The following LINGO1 variants were observed in gnomAD, a reference collection of about 807,000 sequenced individuals.
LINGO1 encodes the protein leucine-rich repeat and immunoglobulin-like domain-containing nogo receptor-interacting protein 1.
A neutral mutation model predicts 37.3 loss-of-function variants in LINGO1; 11 were observed. The observed-to-expected ratio is 0.29, with a 90% CI of 0.19 to 0.49. LINGO1 has a LOEUF of 0.49. LINGO1 is among the 20% of genes least tolerant of loss of function. LINGO1 has a pLI of 0.99. For synonymous variants in LINGO1, 387 were observed against 403.0 expected (o/e 0.96, Z 0.48); for missense variants, 585 against 878.2 (o/e 0.67, Z 4.22).
intron 3 of LINGO1, among the ~76,000 whole-genome samples, chr15:77,674,054 A>T (rs1201123636): frequency 6.6e-6 from 1 of 151,506 alleles, no homozygotes. Context: ...CCACCACTGA[A>T]CCACTCCTCT....
chr15:77,677,650 C>T lies in LINGO1; in HGVS notation c.-98-476G>A, dbSNP rs999503778. On this transcript the variant is annotated intron_variant, in intron 2 of 3. Coordinates refer to the LINGO1 transcript ENST00000559893. ...AGATCCCCAGCAAGGTCCCCAAGGACCCCATCAGCACCCCCAGCTCTCCCG... is the reference window on the plus strand; with the variant it reads ...AGATCCCCAGCAAGGTCCCCAAGGATCCCATCAGCACCCCCAGCTCTCCCG... Among the ~76,000 whole-genome samples the T allele has an allele frequency of 3.9e-5, 6 of 152,116 alleles. No individual in the cohort carries two copies. In the East Asian group the frequency reaches 5.8e-4, roughly 15 times the overall value.
chr15:77,699,455 AACC>A (rs2075742364), upstream of LINGO1, among the ~76,000 whole-genome samples: 1 of 54,308 alleles, frequency 1.8e-5, no homozygotes. Flanking sequence ...AACACATACT[AACC>A]ACCACCTGCA....
At chr15:77,804,502 G>A (rs375356042) in intron 1 of LINGO1, among the ~76,000 whole-genome samples, 2 of 152,210 alleles carry the variant, frequency 1.3e-5, no homozygotes, top group African/African-American at 2.4e-5. Flanking sequence ...GCACAGGCTG[G>A]ATAGGCAGAG....
At chr15:77,723,394 A>T (rs998309927) in intron 2 of LINGO1, among the ~76,000 whole-genome samples, 25 of 152,318 alleles carry the variant, frequency 1.6e-4, no homozygotes, top group Admixed American at 7.2e-4. Context: ...AGGAAGAGTC[A>T]TTTCTGTGGC....
intron 1 of LINGO1, among the ~76,000 whole-genome samples, chr15:77,747,652 G>T (rs1380270337): frequency 6.6e-6 from 1 of 152,196 alleles, no homozygotes; most frequent in Non-Finnish European, 1.5e-5. Context: ...GTGAGCCCTG[G>T]GGGAGGGGAG....
At chr15:77,681,786 G>C (rs1010615206) in intron 2 of LINGO1, among the ~76,000 whole-genome samples, 1 of 152,094 alleles carries the variant, frequency 6.6e-6, no homozygotes, top group African/African-American at 2.4e-5. Context: ...GGGGAGTGGA[G>C]GAGGGAAAGT....
intron 1 of LINGO1, among the ~76,000 whole-genome samples, chr15:77,807,014 T>C (rs538364509): frequency 1.3e-5 from 2 of 152,336 alleles, no homozygotes; most frequent in East Asian, 3.9e-4. Context: ...CAGGCCCATC[T>C]GGGCAGCCTC....
chr15:77,801,180 A>C (rs1315897078), intron 1 of LINGO1, among the ~76,000 whole-genome samples: 2 of 152,230 alleles, frequency 1.3e-5, no homozygotes, highest in African/African-American at 4.8e-5. Context: ...CCCATGAAAT[A>C]ATAGCACAAG....
upstream of LINGO1, among the ~76,000 whole-genome samples, chr15:77,697,050 G>C (rs1386623390): frequency 6.6e-6 from 1 of 152,268 alleles, no homozygotes; most frequent in Non-Finnish European, 1.5e-5. Context: ...GGCCAGGTCA[G>C]AGGAGCAGAG....
At chr15:77,724,484 G>A (rs776460807) in intron 2 of LINGO1, among the ~76,000 whole-genome samples, 17 of 152,190 alleles carry the variant, frequency 1.1e-4, no homozygotes, top group Non-Finnish European at 2.4e-4. Context: ...AGCTGCGCCC[G>A]TCTGTGTCCC....
chr15:77,642,742 C>A (rs2074537270), intron 3 of LINGO1, among the ~76,000 whole-genome samples: 3 of 152,190 alleles, frequency 2.0e-5, no homozygotes, highest in South Asian at 2.1e-4. Context: ...GTCCGGAAAT[C>A]CCCCAGCAGG....
chr15:77,785,056 C>G (rs2141433578), intron 1 of LINGO1: 1 of 152,362 alleles, frequency 6.6e-6, no homozygotes, highest in South Asian at 2.1e-4. Context: ...ACGGCCAGGG[C>G]AGGCCAGTCA....
At chr15:77,759,141 C>T (rs747098642) in intron 1 of LINGO1, among the ~76,000 whole-genome samples, 13 of 152,212 alleles carry the variant, frequency 8.5e-5, no homozygotes, top group Non-Finnish European at 1.3e-4. Context: ...ATGTGACCTA[C>T]GCAGATTAAA....
intron 3 of LINGO1, among the ~76,000 whole-genome samples, chr15:77,655,735 G>A (rs2074851293): frequency 6.6e-6 from 1 of 152,190 alleles, no homozygotes; most frequent in Admixed American, 6.5e-5. Context: ...TTCACACCCA[G>A]GTCTGTCTAC....
intron 3 of LINGO1, among the ~76,000 whole-genome samples, chr15:77,657,795 C>G (rs892657660): frequency 6.6e-6 from 1 of 152,086 alleles, no homozygotes; most frequent in Non-Finnish European, 1.5e-5. Context: ...GAGGCTCCGC[C>G]GCGGGGGCTT....
chr15:77,817,894 G>A (rs952253286), intron 1 of LINGO1, among the ~76,000 whole-genome samples: 11 of 152,212 alleles, frequency 7.2e-5, no homozygotes, highest in African/African-American at 2.7e-4. Flanking sequence ...AGAGATTCCA[G>A]AAGGATAATG....
chr15:77,798,623 G>A (rs2076892544), intron 1 of LINGO1, among the ~76,000 whole-genome samples: 1 of 152,212 alleles, frequency 6.6e-6, no homozygotes, highest in African/African-American at 2.4e-5. Flanking sequence ...GCACTCTCCT[G>A]GACACGAGGT....
chr15:77,682,751 A>G (rs926273713), intron 2 of LINGO1, among the ~76,000 whole-genome samples: 28 of 151,652 alleles, frequency 1.8e-4, no homozygotes, highest in Middle Eastern at 3.4e-3. Context: ...ACCCCCATCC[A>G]CACAGTGGCA....
chr15:77,749,080 G>C (rs1044893212), intron 1 of LINGO1, among the ~76,000 whole-genome samples: 1 of 151,612 alleles, frequency 6.6e-6, no homozygotes, highest in African/African-American at 2.4e-5. Flanking sequence ...GCTAATTTTT[G>C]TATTTTTAGT....
Sources: gnomAD v4.1 joint callset for allele counts (sites outside exome capture counted in the v4.1 genomes callset) on GRCh38, gnomAD v4.1.1 for gene constraint, MANE v1.5 for transcripts, NCBI Gene and HGNC (gene_info 2026-07-23, HGNC 2026-07-21) for gene names.